Variants in HYDIN observed in about 807,000 individuals in gnomAD.
HYDIN encodes axonemal central pair apparatus protein HYDIN.
Under a neutral mutation model 403.9 loss-of-function variants are expected in HYDIN, and 132 were observed. The ratio of observed to expected loss-of-function variants is 0.33; its 90% CI spans 0.28 to 0.38. HYDIN has a LOEUF of 0.38. Ranked by LOEUF, HYDIN falls within the 10% of genes least tolerant of loss-of-function variation. The pLI, the probability that HYDIN is intolerant of heterozygous loss-of-function variation, is 1.00. For missense variants in HYDIN, 2,827 were observed against 5,009.5 expected (o/e 0.56, Z 13.15); for synonymous variants, 1,202 against 1,891.7 (o/e 0.64, Z 9.46).
chr16:71,229,279 C>T (rs1331121344), intron 1 of HYDIN, among the ~76,000 whole-genome samples: 1 of 152,086 alleles, frequency 6.6e-6, no homozygotes, highest in African/African-American at 2.4e-5. Context: ...ACGTTGTGCA[C>T]ATATACCCTA....
chr16:70,929,086 T>A (rs921381751), intron 45 of HYDIN, among the ~76,000 whole-genome samples: 2 of 151,846 alleles, frequency 1.3e-5, no homozygotes, highest in Non-Finnish European at 2.9e-5. Flanking sequence ...GGTCAGGAGT[T>A]TGAGACCAGG....
At chr16:71,090,595 G>A (rs2083089752) in intron 11 of HYDIN, 1 of 152,156 alleles carries the variant, frequency 6.6e-6, no homozygotes, top group South Asian at 2.1e-4. Flanking sequence ...GAACTCCTAG[G>A]CTCAAGTGAT....
intron 75 of HYDIN, among the ~76,000 whole-genome samples, chr16:70,841,579 G>A (rs1278171886): frequency 6.6e-6 from 1 of 151,978 alleles, no homozygotes; most frequent in Non-Finnish European, 1.5e-5. Context: ...TGATGGTATT[G>A]GGAAGTGGGA....
chr16:70,884,443 G>C (rs1277839779), intron 58 of HYDIN, among the ~76,000 whole-genome samples: 1 of 151,868 alleles, frequency 6.6e-6, no homozygotes, highest in Non-Finnish European at 1.5e-5. Flanking sequence ...TCTTGAAGCA[G>C]AGGGGTGCAG....
chr16:70,981,505 C>T lies in HYDIN; in HGVS notation c.4396G>A (p.Val1466Ile), dbSNP rs567138625. The T allele has an allele frequency of 6.8e-6, 11 of 1,613,874 alleles. No homozygotes were observed. In the East Asian group the frequency reaches 2.2e-4, roughly 33 times the overall value. The change falls in exon 29 of 86, where the codon GTC (valine) becomes ATC (isoleucine). Residue 1466 changes from valine to isoleucine, a missense_variant. Coordinates refer to ENST00000393567, the MANE Select transcript of HYDIN (RefSeq NM_001270974.2). ...KVYYLPGVPE[V>I]FKRSFQIQIA... ...TGTATCTGGAAACTCCTTTTAAAGACCTCAGGTACTCCAGGTAGGTAGTAA... is the reference window on the plus strand; with the variant it reads ...TGTATCTGGAAACTCCTTTTAAAGATCTCAGGTACTCCAGGTAGGTAGTAA...
intron 45 of HYDIN, among the ~76,000 whole-genome samples, chr16:70,931,950 G>C (rs55782923): frequency 0.24 from 33,035 of 139,756 alleles, 5,146 homozygotes; most frequent in Non-Finnish European, 0.35. Flanking sequence ...AGGAGGTGGA[G>C]GTTGCGGCCG....
rs767085111 is a variant in HYDIN, at chr16:70,866,196, G to C, written c.11444C>G (p.Thr3815Ser). 6.3e-7 allele frequency: 1 copy of C among 1,582,584 alleles called. No individual in the cohort carries two copies. Among genetic ancestry groups the C allele is most frequent in the Non-Finnish European group, 8.6e-7 (1 of 1,161,174 alleles). Residue 3815 changes from threonine to serine, a missense_variant, in exon 67 of 86, where the codon ACC (threonine) becomes AGC (serine). Physicochemically the swap from Thr to Ser is moderately conservative, Grantham distance 58. Transcript: ENST00000393567. ...CQARDVRFKE[T>S]LVYQTRVFEF... is the part of the protein sequence containing the mutation. The stretch of plus-strand genomic sequence containing the variant: ...AAACACTCGGGTCTGGTAAACCAAG[G>C]TTTCCTTAAAGCGCACATCTCTTGC...
At chr16:71,102,105 G>A (rs1410478924) in intron 10 of HYDIN, among the ~76,000 whole-genome samples, 1 of 151,906 alleles carries the variant, frequency 6.6e-6, no homozygotes, top group Admixed American at 6.6e-5. Flanking sequence ...GTTATATATT[G>A]TTATGGGTTA....
intron 66 of HYDIN, 70 bp downstream of exon 66, chr16:70,868,500 A>C (rs1462143733): frequency 1.3e-6 from 2 of 1,500,380 alleles, no homozygotes; most frequent in Non-Finnish European, 1.8e-6. Context: ...GGAAATGATG[A>C]GGGACTTGAG....
chr16:71,224,245 A>G (rs1163919628), intron 1 of HYDIN, among the ~76,000 whole-genome samples: 1 of 152,172 alleles, frequency 6.6e-6, no homozygotes, highest in African/African-American at 2.4e-5. Context: ...CTAAGCTATG[A>G]GATGCAAAGA....
At chr16:70,930,162 C>G in intron 45 of HYDIN, among the ~76,000 whole-genome samples, 1 of 152,152 alleles carries the variant, frequency 6.6e-6, no homozygotes, top group African/African-American at 2.4e-5. Flanking sequence ...AGTGTAGTGG[C>G]TGGTGGCCAC....
Position 70,807,865 on chromosome 16 carries a change from T to C in HYDIN, c.15081A>G (p.Gln5027=), listed in dbSNP as rs1313165260. The C allele has an allele frequency of 9.3e-6, 15 of 1,613,988 alleles. No individual in the cohort carries two copies. Among genetic ancestry groups the C allele is most frequent in the Middle Eastern group, 3.3e-4 (2 of 6,084 alleles). ...ACCCGGCTCGGATCGAGAAGGGACCTTGGGGCTTGGGAGGCAGAGCCATTC... is the reference window on the plus strand; with the variant it reads ...ACCCGGCTCGGATCGAGAAGGGACCCTGGGGCTTGGGAGGCAGAGCCATTC... The part of the protein sequence containing the change: ...LFGMALPPKP[Q]GPFSIRAGYS... Residue 5027 remains glutamine, a synonymous_variant, in exon 86 of 86, where the codon CAA becomes CAG. Transcript: ENST00000393567.
Position 70,807,823 on chromosome 16 carries a change from G to C in HYDIN, c.15123C>G (p.Pro5041=), listed in dbSNP as rs769753209. ...CCATGTGATAGAAGACATTCTTGAA[G>C]GGGATGATTATGCTGTACCCGGCTC... ...SIRAGYSIII[P]FKNVFYHMVT... The change falls in exon 86 of 86, where the codon CCC becomes CCG. Residue 5041 remains proline (P), a synonymous_variant. Transcript: ENST00000393567. 20 of 1,614,222 alleles carry C rather than the reference G, an allele frequency of 1.2e-5. No homozygotes were observed. The highest frequency in any genetic ancestry group is 1.7e-5 in the Non-Finnish European group (20 of 1,180,044).
chr16:70,884,146 GA>G (rs1269575999), intron 58 of HYDIN, 22 bp from the exon 59 acceptor site: 1 of 1,551,166 alleles, frequency 6.4e-7, no homozygotes, highest in Non-Finnish European at 8.7e-7. Flanking sequence ...GGGTGGGAGG[GA>G]TAGGAGGCTT....
At chr16:71,165,379 C>T (rs2144612881) in intron 5 of HYDIN, among the ~76,000 whole-genome samples, 1 of 152,014 alleles carries the variant, frequency 6.6e-6, no homozygotes, top group Middle Eastern at 3.4e-3. Context: ...CCACTGTCTC[C>T]CCGAGGCCTC....
At chr16:71,002,553 TA>T (rs200451927) in intron 23 of HYDIN, among the ~76,000 whole-genome samples, 36,836 of 145,354 alleles carry the variant, frequency 0.25, 5,804 homozygotes, top group African/African-American at 0.44. Flanking sequence ...CCCTGTCTGT[TA>T]AAAAAAAAAA....
chr16:70,893,772 G>A (rs546826609), intron 55 of HYDIN: 26 of 151,906 alleles, frequency 1.7e-4, no homozygotes, highest in African/African-American at 5.5e-4. Flanking sequence ...CAATCTGCCT[G>A]CCTTCACCTC....
At chr16:71,206,101 G>A (rs2088285601) in intron 1 of HYDIN, among the ~76,000 whole-genome samples, 1 of 152,182 alleles carries the variant, frequency 6.6e-6, no homozygotes, top group Non-Finnish European at 1.5e-5. Context: ...ATAGCCAGAT[G>A]GGCCACACCC....
chr16:70,849,662 T>G, intron 75 of HYDIN, 64 bp downstream of exon 75: 1 of 1,266,906 alleles, frequency 7.9e-7, no homozygotes, highest in Non-Finnish European at 1.1e-6. Context: ...CACAGGAGAA[T>G]TAACCTGCCA....
Sources: gnomAD v4.1 joint callset for allele counts (sites outside exome capture counted in the v4.1 genomes callset) on GRCh38, gnomAD v4.1.1 for gene constraint, MANE v1.5 for transcripts, NCBI Gene and HGNC (gene_info 2026-07-23, HGNC 2026-07-21) for gene names.